The following XYLT1 variants were observed in gnomAD, a reference collection of about 807,000 sequenced individuals.
The protein encoded by XYLT1 is xylosyltransferase 1, also known as beta-D-xylosyltransferase 1.
XYLT1 carries 36 observed loss-of-function variants against 91.3 expected under a neutral mutation model. That is an observed-to-expected ratio of 0.39 (90% CI 0.30 to 0.52). The LOEUF is 0.52. Among genes scored for constraint, XYLT1 ranks in the 20% least tolerant of loss-of-function variants. The pLI, the probability that XYLT1 is intolerant of heterozygous loss-of-function variation, is 0.68. For missense variants in XYLT1, 1,242 were observed against 1,284.5 expected, an observed-to-expected ratio of 0.97 and a Z score of 0.51; for synonymous variants, 588 against 532.0, an observed-to-expected ratio of 1.11 and a Z score of -1.45.
At chr16:17,366,023 G>A (rs1221712066) in intron 1 of XYLT1, among the ~76,000 whole-genome samples, 1 of 149,998 alleles carries the variant, frequency 6.7e-6, no homozygotes, top group Non-Finnish European at 1.5e-5. Context: ...AGACAAGAAT[G>A]CCCAACTGGT....
At chr16:17,468,328 A>G (rs756624584) in intron 1 of XYLT1, among the ~76,000 whole-genome samples, 3 of 152,188 alleles carry the variant, frequency 2.0e-5, no homozygotes, top group Non-Finnish European at 4.4e-5. Flanking sequence ...AACAGTCAAC[A>G]GCATGGTAGA....
intron 1 of XYLT1, among the ~76,000 whole-genome samples, chr16:17,390,432 A>C (rs2035802821): frequency 6.6e-6 from 1 of 152,230 alleles, no homozygotes; most frequent in Non-Finnish European, 1.5e-5. Flanking sequence ...AGGCACCTTC[A>C]ATGCCTCTTT....
chr16:17,134,935 C>T (rs907655266), intron 8 of XYLT1, among the ~76,000 whole-genome samples, 200 bp from the exon 9 acceptor site: 3 of 132,038 alleles, frequency 2.3e-5, no homozygotes, highest in African/African-American at 5.0e-5. Context: ...CTGTGCAGAA[C>T]ATCTAAAGCA....
chr16:17,242,164 A>G (rs1230552485), intron 3 of XYLT1, among the ~76,000 whole-genome samples: 1 of 152,176 alleles, frequency 6.6e-6, no homozygotes, highest in African/African-American at 2.4e-5. Context: ...TCAAGATGAG[A>G]TTTGGGTGGG....
At chr16:17,392,699 C>A (rs1181613136) in intron 1 of XYLT1, among the ~76,000 whole-genome samples, 1 of 152,126 alleles carries the variant, frequency 6.6e-6, no homozygotes, top group African/African-American at 2.4e-5. Context: ...CAGACAGCTG[C>A]AAGACAGAAG....
At chr16:17,188,016 C>T (rs903890170) in intron 5 of XYLT1, among the ~76,000 whole-genome samples, 1 of 152,074 alleles carries the variant, frequency 6.6e-6, no homozygotes, top group African/African-American at 2.4e-5. Context: ...CTGTTTTGCA[C>T]AGGTGTGGGG....
intron 3 of XYLT1, among the ~76,000 whole-genome samples, chr16:17,244,595 C>A (rs978628308): frequency 7.9e-5 from 12 of 152,174 alleles, no homozygotes; most frequent in Non-Finnish European, 1.8e-4. Flanking sequence ...AGCAGCCAGT[C>A]TCAACTCAGG....
At position 17,442,702 on chromosome 16, in the gene XYLT1, G is replaced by T. The variant is rs538707604; in HGVS notation, c.363+27732C>A. On this transcript the variant is annotated intron_variant, in intron 1 of 11. Coordinates refer to ENST00000261381, the MANE Select transcript of XYLT1 (RefSeq NM_022166.4). ...AGGGGATGCTGGGAAGAACTGCAGA[G>T]CATCCTCCAATAAGCCTTTGCAGCT... Among the ~76,000 whole-genome samples the T allele has an allele frequency of 3.3e-5, 5 of 152,274 alleles. No individual in the cohort carries two copies. The South Asian group carries it at 6.2e-4, about 19-fold the overall frequency.
At chr16:17,178,703 A>G (rs7198185) in intron 5 of XYLT1, among the ~76,000 whole-genome samples, 75,407 of 152,104 alleles carry the variant, frequency 0.5, 20,527 homozygotes, top group African/African-American at 0.71. Context: ...GTATTACAAC[A>G]GCAGAGTTTC....
intron 1 of XYLT1, among the ~76,000 whole-genome samples, chr16:17,464,110 T>C (rs1291297512): frequency 6.6e-6 from 1 of 152,080 alleles, no homozygotes; most frequent in African/African-American, 2.4e-5. Flanking sequence ...AGGATAAAAA[T>C]CCAGTTAGAT....
At chr16:17,191,729 G>A (rs1597180914) in intron 5 of XYLT1, among the ~76,000 whole-genome samples, 2 of 152,320 alleles carry the variant, frequency 1.3e-5, no homozygotes, top group East Asian at 1.9e-4. Context: ...CTACTGAGGC[G>A]CCATGGAGCA....
chr16:17,425,824 T>C (rs1227650959), intron 1 of XYLT1, among the ~76,000 whole-genome samples: 1 of 152,118 alleles, frequency 6.6e-6, no homozygotes, highest in Non-Finnish European at 1.5e-5. Context: ...ATACCTTAAA[T>C]ACATCCTTCA....
In XYLT1 at chr16:17,372,926, A is replaced by T. The variant is rs12925530; in HGVS notation, c.364-14876T>A. On this transcript the variant is annotated intron_variant, in intron 1 of 11. Transcript: ENST00000261381. Reference sequence around the variant, plus strand: ...AAATCATCAAATACGTATTTCTTTTAAAAAGTGTGGTCTATAAGGACTAAC... The same window carrying T: ...AAATCATCAAATACGTATTTCTTTTTAAAAGTGTGGTCTATAAGGACTAAC... 5.7e-3 allele frequency among the ~76,000 whole-genome samples: 866 copies of T among 152,282 alleles called. 9 individuals carry two copies. Among genetic ancestry groups the T allele is most frequent in the Middle Eastern group, 0.01 (3 of 294 alleles).
intron 1 of XYLT1, among the ~76,000 whole-genome samples, chr16:17,422,515 T>C (rs1168730318): frequency 6.6e-6 from 1 of 151,736 alleles, no homozygotes; most frequent in Non-Finnish European, 1.5e-5. Flanking sequence ...TTTTACTTTA[T>C]TATTTTTTTT....
chr16:17,165,632 A>C (rs4589541), intron 5 of XYLT1, among the ~76,000 whole-genome samples: 144,974 of 152,264 alleles, frequency 0.95, 69,042 homozygotes, highest in Non-Finnish European at 0.97. Context: ...GCGGAGGTTG[A>C]AGTGAGCCGA....
chr16:17,243,521 T>C (rs2033382106), intron 3 of XYLT1, among the ~76,000 whole-genome samples: 1 of 152,186 alleles, frequency 6.6e-6, no homozygotes, highest in African/African-American at 2.4e-5. Context: ...GGGATTGTCC[T>C]GGGCAAACCA....
chr16:17,347,221 C>A (rs911501338), intron 2 of XYLT1, among the ~76,000 whole-genome samples: 1 of 152,156 alleles, frequency 6.6e-6, no homozygotes, highest in African/African-American at 2.4e-5. Flanking sequence ...TTTGTGAAGG[C>A]CTTGCTTGCA....
In XYLT1 at chr16:17,321,342, C is replaced by CTTTTTTTTTTTTTTTTTTTTTTTTT. The variant is rs10606202; in HGVS notation, c.402+36645_402+36669dup. ...GACAGTTCCCAAAGTACTAACTAGC[C>CTTTTTTTTTTTTTTTTTTTTTTTTT]TTTTTTTTTTTTTTTTTTTTTTTTT... On this transcript the variant is annotated intron_variant, in intron 2 of 11. Coordinates refer to ENST00000261381, the MANE Select transcript of XYLT1 (RefSeq NM_022166.4). Among the ~76,000 whole-genome samples, 11 of 43,624 alleles carry CTTTTTTTTTTTTTTTTTTTTTTTTT rather than the reference C, an allele frequency of 2.5e-4. 1 individual carries two copies. The highest frequency in any genetic ancestry group is 3.4e-4 in the Non-Finnish European group (8 of 23,762). 28.6% of individuals were successfully genotyped at this position (43,624 alleles called of 152,430 possible).
intron 1 of XYLT1, among the ~76,000 whole-genome samples, chr16:17,427,896 T>C (rs780187499): frequency 3.3e-5 from 5 of 152,270 alleles, no homozygotes; most frequent in East Asian, 1.9e-4. Context: ...TGGGAAACAA[T>C]TGTTTAGAGT....
Sources: allele counts gnomAD v4.1 joint callset (sites outside exome capture counted in the v4.1 genomes callset), GRCh38; gene constraint gnomAD v4.1.1; transcripts MANE v1.5; gene names NCBI Gene and HGNC (gene_info 2026-07-23, HGNC 2026-07-21).